Variants in USP8 observed in about 807,000 individuals in gnomAD.
USP8 encodes the protein ubiquitin carboxyl-terminal hydrolase 8.
A neutral mutation model predicts 130.0 loss-of-function variants in USP8; 27 were observed. That is an observed-to-expected ratio of 0.21 (90% CI 0.15 to 0.29). The LOEUF is 0.29. Ranked by LOEUF, USP8 falls within the 10% of genes least tolerant of loss-of-function variation. USP8 has a pLI of 1.00. For synonymous variants in USP8, 392 were observed against 444.1 expected (o/e 0.88, Z 1.48); for missense variants, 1,029 against 1,312.2 (o/e 0.78, Z 3.33).
chr15:50,491,372 C>G (rs1228630319), intron 14 of USP8, among the ~76,000 whole-genome samples: 1 of 152,138 alleles, frequency 6.6e-6, no homozygotes, highest in Non-Finnish European at 1.5e-5. Flanking sequence ...CAGGTGCAGA[C>G]TTATTCGAAG....
intron 12 of USP8, among the ~76,000 whole-genome samples, chr15:50,488,675 C>T (rs1371697402): frequency 6.6e-6 from 1 of 150,622 alleles, no homozygotes; most frequent in African/African-American, 2.4e-5. Context: ...AGCAATTCTC[C>T]TGCCACAGTC....
intron 1 of USP8, among the ~76,000 whole-genome samples, chr15:50,426,629 C>T (rs1170530342): frequency 6.6e-6 from 1 of 152,098 alleles, no homozygotes; most frequent in Non-Finnish European, 1.5e-5. Context: ...ACTGGAATGC[C>T]CACACATAGC....
rs2052713966 is a variant in USP8, at chr15:50,509,684, A to G, written c.*10596A>G. 6.6e-6 allele frequency: 1 copy of G among 152,102 alleles called. No homozygotes were observed. Among genetic ancestry groups the G allele is most frequent in the South Asian group, 2.1e-4 (1 of 4,820 alleles). The allele number at this position is 152,102 out of a possible 1,614,324, so 9.4% of individuals were successfully genotyped here. A position where few individuals can be genotyped will look rare whatever the true frequency, so the allele number is the denominator to read the frequency against. On this transcript the variant is annotated 3_prime_UTR_variant, in exon 20 of 20. Transcript: ENST00000307179. ...TAAAATAAAATAAAATAAAAAAGAG[A>G]CAAGTCAACGATAAAATTAAAAATG...
rs754443778 is a variant in USP8 at position 50,498,741 on chromosome 15, T to C, written c.3171+13T>C. On this transcript the variant is annotated intron_variant, in intron 19 of 19. Coordinates refer to ENST00000307179, the MANE Select transcript of USP8 (RefSeq NM_005154.5). ...GTTTTCTGTTTCAGTAAGTATCTCT[T>C]TGAACTGAAGACTTTTTGTTTCAAA... 3 of 1,587,590 alleles carry C rather than the reference T, an allele frequency of 1.9e-6. No homozygotes were observed. The highest frequency in any genetic ancestry group is 2.6e-6 in the Non-Finnish European group (3 of 1,166,358).
chr15:50,474,304 A>G (rs1006079250), intron 8 of USP8, among the ~76,000 whole-genome samples: 18 of 152,118 alleles, frequency 1.2e-4, no homozygotes, highest in African/African-American at 3.4e-4. Context: ...CACCCAGTCA[A>G]TTTGTTAAAT....
chr15:50,447,350 C>T (rs1443261070), intron 3 of USP8, among the ~76,000 whole-genome samples: 1 of 152,190 alleles, frequency 6.6e-6, no homozygotes, highest in Non-Finnish European at 1.5e-5. Flanking sequence ...AAGCAATTCT[C>T]TTGCCTCAGC....
intron 1 of USP8, among the ~76,000 whole-genome samples, chr15:50,428,401 G>A (rs962488570): frequency 6.6e-5 from 10 of 152,202 alleles, no homozygotes; most frequent in African/African-American, 2.2e-4. Context: ...ACAGGCGTTA[G>A]CTACCACGCC....
At position 50,503,371 on chromosome 15, in the gene USP8, C is replaced by CT. The variant is rs2052617039; in HGVS notation, c.*4286dup. 6.6e-6 allele frequency: 1 copy of CT among 152,262 alleles called. No individual in the cohort carries two copies. The highest frequency in any genetic ancestry group is 6.5e-5 in the Admixed American group (1 of 15,276). 9.4% of individuals were successfully genotyped at this position (152,262 alleles called of 1,614,324 possible). A position where few individuals can be genotyped will look rare whatever the true frequency, so the allele number is the denominator to read the frequency against. On this transcript the variant is annotated 3_prime_UTR_variant, in exon 20 of 20. Coordinates refer to ENST00000307179, the MANE Select transcript of USP8 (RefSeq NM_005154.5). Reference sequence around the variant, plus strand: ...ACAACAGTATGGTGTGTGGTTTATGCTTTGTGACTGCCTGGGCGTAAAGAC... The same window carrying CT: ...ACAACAGTATGGTGTGTGGTTTATGCTTTTGTGACTGCCTGGGCGTAAAGAC...
chr15:50,494,133 G>A lies in USP8; in HGVS notation c.2511G>A (p.Leu837=), dbSNP rs79646551. The change falls in exon 16 of 20, where the codon CTG becomes CTA. Residue 837 remains leucine, a synonymous_variant. Coordinates refer to ENST00000307179, the MANE Select transcript of USP8 (RefSeq NM_005154.5). ...AATTTGGTATAATCATGAAAGCCCT[G>A]TGGACAGGACAGTATAGATATATCA... ...AEEFGIIMKA[L]WTGQYRYISP... 2,416 of 1,611,988 alleles carry A rather than the reference G, an allele frequency of 1.5e-3. 28 individuals are homozygous for A. In the African/African-American group the frequency reaches 0.029, roughly 20 times the overall value.
At chr15:50,493,579 C>T (rs2052261130) in intron 15 of USP8, 3 of 478,394 alleles carry the variant, frequency 6.3e-6, no homozygotes, top group Admixed American at 2.2e-5. Flanking sequence ...CAAGGCAAAA[C>T]TCCGTCTCTA....
Position 50,438,993 on chromosome 15 carries a change from T to C in USP8, c.-65-16T>C. On this transcript the variant is annotated splice_polypyrimidine_tract_variant and intron_variant, in intron 1 of 19. Transcript: ENST00000307179. The stretch of plus-strand genomic sequence containing the variant: ...TGAATGAGGAAAATTAGTATAATTA[T>C]TTGTATTTGTTTCAGGAAAGAAGCA... The C allele has an allele frequency of 5.0e-6, 5 of 998,766 alleles. No individual in the cohort carries two copies. The highest frequency in any genetic ancestry group is 7.5e-6 in the Non-Finnish European group (5 of 666,632). The allele number at this position is 998,766 out of a possible 1,614,324, so 61.9% of individuals were successfully genotyped here.
chr15:50,429,647 A>G (rs2049865969), intron 1 of USP8, among the ~76,000 whole-genome samples: 1 of 152,162 alleles, frequency 6.6e-6, no homozygotes, highest in South Asian at 2.1e-4. Flanking sequence ...ACTATCCTGG[A>G]CAACATAGTG....
At chr15:50,436,591 G>A (rs984779608) in intron 1 of USP8, among the ~76,000 whole-genome samples, 9 of 151,800 alleles carry the variant, frequency 5.9e-5, no homozygotes, top group African/African-American at 1.9e-4. Context: ...CTCACCTCCC[G>A]GGTTCAAGTG....
chr15:50,439,828 A>ATAAT (rs943774794), intron 2 of USP8, among the ~76,000 whole-genome samples: 1 of 102,464 alleles, frequency 9.8e-6, no homozygotes, highest in Non-Finnish European at 1.8e-5. Flanking sequence ...AATAATAATA[A>ATAAT]TTTTTTTTTT....
chr15:50,484,463 C>A, intron 12 of USP8, 102 bp downstream of exon 12: 1 of 950,846 alleles, frequency 1.1e-6, no homozygotes, highest in Non-Finnish European at 1.6e-6. Context: ...ATGAGATCTA[C>A]AGTGTAAGGG....
intron 7 of USP8, among the ~76,000 whole-genome samples, chr15:50,470,849 C>T (rs1439033556): frequency 6.6e-6 from 1 of 152,150 alleles, no homozygotes; most frequent in South Asian, 2.1e-4. Flanking sequence ...CCACCCGCCT[C>T]AGCCTCCCAA....
rs1490230005 is a variant in USP8, at chr15:50,514,266, T to TA, written c.*15179dup. 2.6e-5 allele frequency: 4 copies of TA among 152,196 alleles called. No homozygotes were observed. Among genetic ancestry groups the TA allele is most frequent in the African/African-American group, 9.7e-5 (4 of 41,440 alleles). The allele number at this position is 152,196 out of a possible 1,614,324, so 9.4% of individuals were successfully genotyped here. On this transcript the variant is annotated 3_prime_UTR_variant, in exon 20 of 20. Coordinates refer to ENST00000307179, the MANE Select transcript of USP8 (RefSeq NM_005154.5). ...GTGGTTTTCCAGACTCGAAGGCAGG[T>TA]ACAAGCACAGTTAGGGTGCTGGTAA...
intron 4 of USP8, 38 bp from the exon 5 acceptor site, chr15:50,458,962 G>A (rs779104800): frequency 2.3e-5 from 37 of 1,607,828 alleles, no homozygotes; most frequent in East Asian, 6.7e-5. Context: ...CACGATTAAC[G>A]CCAATAAAAG....
In USP8 at chr15:50,441,558, T is replaced by C. The variant is rs867165075; in HGVS notation, c.249+65T>C. On this transcript the variant is annotated intron_variant, in intron 3 of 19. Coordinates refer to ENST00000307179, the MANE Select transcript of USP8 (RefSeq NM_005154.5). ...TGCATAATGGAGCTATTGATTTTTT[T>C]CTAAAAATTTTAAGTAATAATGAAA... 69 of 1,399,292 alleles carry C rather than the reference T, an allele frequency of 4.9e-5. No individual in the cohort carries two copies. The African/African-American group carries it at 8.5e-4, about 17-fold the overall frequency. 86.7% of individuals were successfully genotyped at this position (1,399,292 alleles called of 1,614,324 possible).
Sources: gnomAD v4.1 joint callset for allele counts (sites outside exome capture counted in the v4.1 genomes callset) on GRCh38, gnomAD v4.1.1 for gene constraint, MANE v1.5 for transcripts, NCBI Gene and HGNC (gene_info 2026-07-23, HGNC 2026-07-21) for gene names.